CNTLN: variants seen among roughly 807,000 people sequenced by gnomAD.
CNTLN encodes centlein, centrosomal protein.
In CNTLN, 212 loss-of-function variants were observed where a neutral mutation model predicts 180.0. The ratio of observed to expected loss-of-function variants is 1.18; its 90% CI spans 1.05 to 1.32. The LOEUF is 1.32. CNTLN is among the 40% of genes most tolerant of loss of function. The probability of loss-of-function intolerance (pLI) is 0.00; values close to 1 mark genes in which losing one functional copy is unlikely to be tolerated. For missense variants in CNTLN, 2,095 were observed against 1,610.9 expected (o/e 1.30, Z -5.14); for synonymous variants, 722 against 563.1 (o/e 1.28, Z -3.99).
intron 1 of CNTLN, among the ~76,000 whole-genome samples, chr9:17,142,984 G>A (rs560260577): frequency 6.6e-6 from 1 of 152,332 alleles, no homozygotes; most frequent in South Asian, 2.1e-4. Context: ...TTTGATAAAA[G>A]CGGAGCTGAA....
chr9:17,395,413 G>T (rs973956548), intron 15 of CNTLN, among the ~76,000 whole-genome samples: 1 of 152,148 alleles, frequency 6.6e-6, no homozygotes, highest in Non-Finnish European at 1.5e-5. Context: ...ACCACTGACA[G>T]CTAAGGATTC....
Position 17,308,423 on chromosome 9 carries a change from A to T in CNTLN, c.1147-635A>T, listed in dbSNP as rs149034856. On this transcript the variant is annotated intron_variant, in intron 7 of 25. Transcript: ENST00000380647. ...ATTCTTTCTACAGCCTTACTGCTTG[A>T]CTTTGTCTCTTACTATTCCTCTGTT... Among the ~76,000 whole-genome samples the T allele has an allele frequency of 4.5e-3, 687 of 152,116 alleles. 4 individuals are homozygous for T. The highest frequency in any genetic ancestry group is 8.2e-3 in the Non-Finnish European group (555 of 67,984).
At chr9:17,222,107 C>T (rs1291771374) in intron 2 of CNTLN, among the ~76,000 whole-genome samples, 2 of 151,952 alleles carry the variant, frequency 1.3e-5, no homozygotes, top group African/African-American at 4.8e-5. Context: ...TGTCTTATCT[C>T]CCATGTTTAA....
At position 17,503,899 on chromosome 9, in the gene CNTLN, G is replaced by C. The variant is rs2134439328; in HGVS notation, c.*1247G>C. 1 of 152,258 alleles carries C rather than the reference G, an allele frequency of 6.6e-6. No homozygotes were observed. Among genetic ancestry groups the C allele is most frequent in the East Asian group, 1.9e-4 (1 of 5,184 alleles). The allele number at this position is 152,258 out of a possible 1,614,324, so 9.4% of individuals were successfully genotyped here. On this transcript the variant is annotated 3_prime_UTR_variant, in exon 26 of 26. Transcript: ENST00000380647. ...ATATAAAATTCAAATTTTGGTGTCT[G>C]TTAATAAAGTTTTATTGGAACACAG...
intron 25 of CNTLN, among the ~76,000 whole-genome samples, chr9:17,491,001 GGTCTTACCT>G (rs1833132943): frequency 6.6e-6 from 1 of 151,750 alleles, no homozygotes. Flanking sequence ...TATTCTAATT[GGTCTTACCT>G]GTTCACATAT....
chr9:17,345,422 C>T (rs980411651), intron 12 of CNTLN, among the ~76,000 whole-genome samples: 2 of 151,940 alleles, frequency 1.3e-5, no homozygotes, highest in Non-Finnish European at 2.9e-5. Context: ...TTATTTATTT[C>T]CTGTTTGTTT....
At chr9:17,525,565 A>C in the CNTLN span, among the ~76,000 whole-genome samples, 1 of 152,216 alleles carries the variant, frequency 6.6e-6, no homozygotes, top group Non-Finnish European at 1.5e-5. Flanking sequence ...TTGCGAGTTA[A>C]ATGATCTACG....
chr9:17,323,316 A>G (rs1208791841), intron 8 of CNTLN, among the ~76,000 whole-genome samples: 1 of 152,182 alleles, frequency 6.6e-6, no homozygotes, highest in Non-Finnish European at 1.5e-5. Context: ...CACAGATGTG[A>G]AGGCCTGATT....
chr9:17,458,947 G>C lies in CNTLN; in HGVS notation c.3306+1232G>C, dbSNP rs535046314. 5.3e-5 allele frequency among the ~76,000 whole-genome samples: 8 copies of C among 151,818 alleles called. No individual in the cohort carries two copies. In the South Asian group the frequency reaches 1.7e-3, roughly 31 times the overall value. ...GTAAACTGAACATTTCAGTGTTAAG[G>C]TTTCATATAGAGAAGATAAAATCAT... On this transcript the variant is annotated intron_variant, in intron 19 of 25. Transcript: ENST00000380647.
chr9:17,472,064 A>G (rs1832068283), intron 23 of CNTLN, among the ~76,000 whole-genome samples: 2 of 152,152 alleles, frequency 1.3e-5, no homozygotes, highest in South Asian at 2.1e-4. Context: ...ATTATGAAGT[A>G]TATTTCAACC....
At chr9:17,469,511 G>C (rs1831938509) in intron 23 of CNTLN, among the ~76,000 whole-genome samples, 1 of 151,732 alleles carries the variant, frequency 6.6e-6, no homozygotes, top group African/African-American at 2.4e-5. Flanking sequence ...CCTAGGTCTA[G>C]GCAGAAATGC....
chr9:17,153,656 A>G lies in CNTLN; in HGVS notation c.449+10280A>G, dbSNP rs188937912. 5.1e-3 allele frequency among the ~76,000 whole-genome samples: 777 copies of G among 152,196 alleles called. 5 individuals are homozygous for G. The highest frequency in any genetic ancestry group is 8.2e-3 in the Admixed American group (126 of 15,298). ...CTTGGGGTTGCTCTTCTCAAGGAGTATCTTTGTGGCATTCTCTCTATTTCC... is the reference window on the plus strand; with the variant it reads ...CTTGGGGTTGCTCTTCTCAAGGAGTGTCTTTGTGGCATTCTCTCTATTTCC... On this transcript the variant is annotated intron_variant, in intron 2 of 25. Coordinates refer to ENST00000380647, the MANE Select transcript of CNTLN (RefSeq NM_017738.4).
rs142190202 is a variant in CNTLN, at chr9:17,325,556, T to TACACAC, written c.1342-5061_1342-5056dup. Among the ~76,000 whole-genome samples, 641 of 147,630 alleles carry TACACAC rather than the reference T, an allele frequency of 4.3e-3. 4 individuals carry two copies. The highest frequency in any genetic ancestry group is 0.015 in the African/African-American group (607 of 40,558). On this transcript the variant is annotated intron_variant, in intron 8 of 25. Transcript: ENST00000380647. ...TATATACACATGTAACAGATTTTAT[T>TACACAC]ACACACACACACACACACACGCACA...
intron 8 of CNTLN, among the ~76,000 whole-genome samples, chr9:17,329,703 T>G (rs546568671): frequency 6.6e-6 from 1 of 151,784 alleles, no homozygotes; most frequent in African/African-American, 2.4e-5. Context: ...ATGTTTCCCA[T>G]TGTTGGTTCA....
At chr9:17,207,138 G>A (rs7040365) in intron 2 of CNTLN, among the ~76,000 whole-genome samples, 6,166 of 152,314 alleles carry the variant, frequency 0.04, 131 homozygotes, top group East Asian at 0.069. Context: ...AGTCTGGTGA[G>A]TATAAATGTG....
intron 25 of CNTLN, among the ~76,000 whole-genome samples, chr9:17,498,276 AT>A (rs1833564650): frequency 6.6e-6 from 1 of 152,020 alleles, no homozygotes; most frequent in Non-Finnish European, 1.5e-5. Context: ...AAGCTCTGCT[AT>A]TTTTCTAAGA....
intron 5 of CNTLN, among the ~76,000 whole-genome samples, chr9:17,258,613 T>C (rs955456166): frequency 2.0e-5 from 3 of 150,340 alleles, no homozygotes; most frequent in Non-Finnish European, 4.4e-5. Flanking sequence ...CCCATGAACA[T>C]GGAATGTTCT....
intron 16 of CNTLN, among the ~76,000 whole-genome samples, chr9:17,414,207 C>T (rs1221222389): frequency 6.6e-6 from 1 of 152,162 alleles, no homozygotes; most frequent in Non-Finnish European, 1.5e-5. Context: ...CTTTGTTGGT[C>T]ACTTTTGTAT....
intron 2 of CNTLN, among the ~76,000 whole-genome samples, chr9:17,168,942 T>C (rs1820258038): frequency 6.6e-6 from 1 of 152,166 alleles, no homozygotes; most frequent in Non-Finnish European, 1.5e-5. Context: ...TATGGAAAGT[T>C]TGTTCACTGC....
Sources: allele counts gnomAD v4.1 joint callset (sites outside exome capture counted in the v4.1 genomes callset), GRCh38; gene constraint gnomAD v4.1.1; transcripts MANE v1.5; gene names NCBI Gene and HGNC (gene_info 2026-07-23, HGNC 2026-07-21).